Variants in PTPRD observed in about 807,000 individuals in gnomAD.
PTPRD encodes the protein receptor-type tyrosine-protein phosphatase delta.
In PTPRD, 34 loss-of-function variants were observed where a neutral mutation model predicts 214.5. The observed-to-expected ratio is 0.16, with a 90% confidence interval of 0.12 to 0.21. The LOEUF (loss-of-function observed/expected upper bound fraction) is 0.21. Ranked by LOEUF, PTPRD falls within the 10% of genes least tolerant of loss-of-function variation. The pLI, the probability that PTPRD is intolerant of heterozygous loss-of-function variation, is 1.00. For synonymous variants in PTPRD, 1,128 were observed against 845.7 expected, an observed-to-expected ratio of 1.33 and a Z score of -5.79; for missense variants, 2,545 against 2,398.7, an observed-to-expected ratio of 1.06 and a Z score of -1.27.
chr9:10,184,009 T>C (rs1197194386), intron 3 of PTPRD, among the ~76,000 whole-genome samples: 1 of 152,260 alleles, frequency 6.6e-6, no homozygotes, highest in Non-Finnish European at 1.5e-5. Context: ...TCTGGTCACA[T>C]GCACGTATAC....
intron 12 of PTPRD, among the ~76,000 whole-genome samples, chr9:8,685,971 G>C (rs1010118510): frequency 5.3e-5 from 8 of 152,256 alleles, no homozygotes; most frequent in Admixed American, 2.0e-4. Flanking sequence ...GGCTCATTTT[G>C]AGAAACATCT....
chr9:10,466,433 G>T (rs1173877189), intron 2 of PTPRD, among the ~76,000 whole-genome samples: 85 of 152,084 alleles, frequency 5.6e-4, no homozygotes, highest in Non-Finnish European at 1.0e-4. Flanking sequence ...AGACCAGCCT[G>T]ACCAACATGA....
chr9:10,594,136 T>A (rs1191814670), intron 2 of PTPRD, among the ~76,000 whole-genome samples: 4 of 152,028 alleles, frequency 2.6e-5, no homozygotes, highest in African/African-American at 9.7e-5. Flanking sequence ...TATAGCCTGT[T>A]ATGTAGAATA....
chr9:8,636,349 G>C (rs2096433140), intron 13 of PTPRD, among the ~76,000 whole-genome samples: 1 of 152,112 alleles, frequency 6.6e-6, no homozygotes, highest in African/African-American at 2.4e-5. Flanking sequence ...TAACGTAATA[G>C]GAGCCAATGG....
intron 5 of PTPRD, among the ~76,000 whole-genome samples, chr9:9,807,520 C>T (rs2045831287): frequency 6.6e-6 from 1 of 152,080 alleles, no homozygotes; most frequent in Admixed American, 6.6e-5. Context: ...TGACTTCTCC[C>T]CTTGTTAAGC....
intron 2 of PTPRD, among the ~76,000 whole-genome samples, chr9:10,578,123 T>C (rs1004099197): frequency 1.3e-5 from 2 of 152,046 alleles, no homozygotes; most frequent in South Asian, 4.1e-4. Context: ...TTGGTTAGGT[T>C]GGTCTCAAAC....
intron 14 of PTPRD, among the ~76,000 whole-genome samples, chr9:8,599,613 C>CCCCCCCCCTTTTTTTTTTTTTTTTTTTT (rs2094698008): frequency 1.9e-5 from 1 of 53,428 alleles, no homozygotes; most frequent in Admixed American, 2.1e-4. Flanking sequence ...CCCGCCCACC[C>CCCCCCCCCTTTTTTTTTTTTTTTTTTTT]TTTTTTTTTT....
intron 8 of PTPRD, among the ~76,000 whole-genome samples, chr9:9,477,547 A>G (rs7468723): frequency 0.52 from 78,898 of 152,010 alleles, 20,561 homozygotes; most frequent in East Asian, 0.68. Flanking sequence ...TTTACTATCC[A>G]TATCACTGAT....
At chr9:9,134,881 T>C (rs1380780282) in intron 10 of PTPRD, among the ~76,000 whole-genome samples, 2 of 152,126 alleles carry the variant, frequency 1.3e-5, no homozygotes, top group Non-Finnish European at 2.9e-5. Context: ...AGGTGTTCAA[T>C]AATTTTAGAA....
rs538567445 is a variant in PTPRD, at chr9:9,620,359, T to C, written c.-286-45578A>G. Among the ~76,000 whole-genome samples, 12 of 152,114 alleles carry C rather than the reference T, an allele frequency of 7.9e-5. No individual in the cohort carries two copies. The East Asian group carries it at 2.3e-3, about 29-fold the overall frequency. On this transcript the variant is annotated intron_variant, in intron 7 of 45. Coordinates refer to ENST00000381196, the MANE Select transcript of PTPRD (RefSeq NM_002839.4). ...TATTAATTAACCTACTTTTCAATGC[T>C]AGGCCGGTAAATAAGATAGTCTGAT...
At chr9:9,843,695 T>C (rs906338613) in intron 5 of PTPRD, among the ~76,000 whole-genome samples, 2 of 151,982 alleles carry the variant, frequency 1.3e-5, no homozygotes, top group African/African-American at 4.8e-5. Flanking sequence ...TTAAACTTTG[T>C]TTATATAAAT....
intron 35 of PTPRD, among the ~76,000 whole-genome samples, chr9:8,421,081 T>G (rs1379159530): frequency 7.9e-5 from 12 of 152,164 alleles, no homozygotes; most frequent in Admixed American, 7.9e-4. Flanking sequence ...AGACTTCTGC[T>G]GCAGCACAGT....
chr9:9,030,194 A>G (rs1159010528), intron 10 of PTPRD, among the ~76,000 whole-genome samples: 1 of 149,802 alleles, frequency 6.7e-6, no homozygotes, highest in African/African-American at 2.5e-5. Context: ...CAGGAATGCA[A>G]CCCTCAACCA....
intron 2 of PTPRD, among the ~76,000 whole-genome samples, chr9:10,509,972 G>T (rs1227938366): frequency 1.3e-5 from 2 of 151,782 alleles, no homozygotes; most frequent in Non-Finnish European, 2.9e-5. Context: ...TTCCTTATTG[G>T]TAGCTGCTTT....
At chr9:10,527,658 T>C (rs1263981148) in intron 2 of PTPRD, among the ~76,000 whole-genome samples, 2 of 152,144 alleles carry the variant, frequency 1.3e-5, no homozygotes, top group Admixed American at 6.6e-5. Flanking sequence ...TAAAATTCAA[T>C]CAACTTTAAG....
chr9:9,116,210 A>T (rs1211712229), intron 10 of PTPRD, among the ~76,000 whole-genome samples: 11 of 152,170 alleles, frequency 7.2e-5, no homozygotes, highest in African/African-American at 2.7e-4. Flanking sequence ...ATCTAAAATA[A>T]AAGTTGAAAT....
rs370987749 is a variant in PTPRD at position 9,440,447 on chromosome 9, A to G, written c.-236-42965T>C. On this transcript the variant is annotated intron_variant, in intron 8 of 45. Transcript: ENST00000381196. ...ATTAATTTGCATGGTGGGAAAAAAG[A>G]GACAACAGTACAAAGAGGGTGTCTA... is the stretch of plus-strand genomic sequence containing the variant. 7.2e-5 allele frequency among the ~76,000 whole-genome samples: 11 copies of G among 152,356 alleles called. No homozygotes were observed. The East Asian group carries it at 7.7e-4, about 11-fold the overall frequency.
intron 2 of PTPRD, among the ~76,000 whole-genome samples, chr9:10,456,564 G>C (rs1442949504): frequency 2.6e-5 from 4 of 151,866 alleles, no homozygotes; most frequent in East Asian, 3.9e-4. Flanking sequence ...TTATGGATCA[G>C]TCGTCAAATA....
chr9:9,321,340 G>A (rs1966382254), intron 9 of PTPRD, among the ~76,000 whole-genome samples: 1 of 152,090 alleles, frequency 6.6e-6, no homozygotes, highest in Admixed American at 6.5e-5. Flanking sequence ...TGGATCACCT[G>A]AGGTCGGGAG....
Sources: gnomAD v4.1 joint callset for allele counts (sites outside exome capture counted in the v4.1 genomes callset) on GRCh38, gnomAD v4.1.1 for gene constraint, MANE v1.5 for transcripts, NCBI Gene and HGNC (gene_info 2026-07-23, HGNC 2026-07-21) for gene names.